The following FRMD3 variants were observed in gnomAD, a reference collection of about 807,000 sequenced individuals.
The protein encoded by FRMD3 is FERM domain-containing protein 3.
In FRMD3, 33 loss-of-function variants were observed where a neutral mutation model predicts 70.2. The ratio of observed to expected loss-of-function variants is 0.47; its 90% CI spans 0.36 to 0.63. FRMD3 has a LOEUF of 0.63. Ranked by LOEUF, FRMD3 falls within the 20% of genes least tolerant of loss-of-function variation. FRMD3 has a pLI of 0.00. For missense variants in FRMD3, 632 were observed against 711.4 expected (o/e 0.89, Z 1.27); for synonymous variants, 279 against 255.9 (o/e 1.09, Z -0.86).
the FRMD3 span, among the ~76,000 whole-genome samples, chr9:83,548,821 C>T: frequency 9.9e-5 from 15 of 152,210 alleles, no homozygotes; most frequent in East Asian, 3.9e-4. Context: ...ACTGAGGAAA[C>T]GGGTAGGCTA....
At chr9:83,478,462 A>G (rs1828451645) in intron 1 of FRMD3, among the ~76,000 whole-genome samples, 1 of 152,172 alleles carries the variant, frequency 6.6e-6, no homozygotes, top group East Asian at 1.9e-4. Context: ...ATACCACTTC[A>G]CCCCATTAGG....
intron 3 of FRMD3, among the ~76,000 whole-genome samples, chr9:83,350,461 A>G (rs1015390211): frequency 1.0e-5 from 1 of 97,658 alleles, no homozygotes; most frequent in Non-Finnish European, 2.1e-5. Context: ...CTAAAAATAC[A>G]AAAAAAAAAA....
At chr9:83,376,774 TGGTATCAAATATGTATA>T in intron 2 of FRMD3, among the ~76,000 whole-genome samples, 1 of 152,186 alleles carries the variant, frequency 6.6e-6, no homozygotes, top group African/African-American at 2.4e-5. Flanking sequence ...TATGTATATA[TGGTATCAAATATGTATA>T]TTTGATAAAA....
the FRMD3 span, among the ~76,000 whole-genome samples, chr9:83,554,579 G>T: frequency 6.6e-6 from 1 of 152,244 alleles, no homozygotes; most frequent in East Asian, 1.9e-4. Flanking sequence ...GGACCCATGG[G>T]AGACAGACTG....
chr9:83,344,998 G>A (rs1477289262), intron 4 of FRMD3, among the ~76,000 whole-genome samples: 1 of 152,122 alleles, frequency 6.6e-6, no homozygotes, highest in Admixed American at 6.5e-5. Context: ...GAATCAGAGA[G>A]AGTGATTAGT....
At chr9:83,516,913 T>C (rs1829466676) in intron 1 of FRMD3, among the ~76,000 whole-genome samples, 2 of 152,144 alleles carry the variant, frequency 1.3e-5, no homozygotes, top group African/African-American at 4.8e-5. Flanking sequence ...AAATAAGTTA[T>C]TTGAAACCAA....
intron 1 of FRMD3, among the ~76,000 whole-genome samples, chr9:83,500,182 T>C (rs994753996): frequency 6.6e-6 from 1 of 152,086 alleles, no homozygotes; most frequent in African/African-American, 2.4e-5. Context: ...ACATATTACA[T>C]TTGTCAAAAC....
intron 5 of FRMD3, among the ~76,000 whole-genome samples, chr9:83,342,865 C>A (rs1823819969): frequency 6.6e-6 from 1 of 152,162 alleles, no homozygotes. Flanking sequence ...ACATACAATA[C>A]CCACATCCCT....
intron 1 of FRMD3, among the ~76,000 whole-genome samples, chr9:83,407,446 ATCTCTGTATT>A (rs1826135021): frequency 6.6e-6 from 1 of 151,764 alleles, no homozygotes. Context: ...GGAATTTTTA[ATCTCTGTATT>A]TCCCCCAGCC....
intron 6 of FRMD3, among the ~76,000 whole-genome samples, chr9:83,320,127 T>C (rs946760277): frequency 5.9e-5 from 9 of 152,214 alleles, no homozygotes; most frequent in Admixed American, 5.2e-4. Flanking sequence ...CTTCCTTTTT[T>C]CCAACTTGGA....
At chr9:83,491,551 T>C (rs1828826152) in intron 1 of FRMD3, among the ~76,000 whole-genome samples, 1 of 152,110 alleles carries the variant, frequency 6.6e-6, no homozygotes, top group Admixed American at 6.5e-5. Flanking sequence ...GGGGTCAGCA[T>C]AGGGCACTTC....
At chr9:83,273,674 T>G (rs1387706855) in intron 13 of FRMD3, among the ~76,000 whole-genome samples, 1 of 142,500 alleles carries the variant, frequency 7.0e-6, no homozygotes, top group East Asian at 2.1e-4. Context: ...AAAGAATGCA[T>G]ACAGTTCCTC....
At chr9:83,500,541 A>C (rs1564106261) in intron 1 of FRMD3, among the ~76,000 whole-genome samples, 2 of 78,392 alleles carry the variant, frequency 2.6e-5, no homozygotes, top group East Asian at 3.6e-4. Context: ...CACACACACA[A>C]TGTCAATATT....
intron 1 of FRMD3, among the ~76,000 whole-genome samples, chr9:83,508,517 C>T (rs1002521470): frequency 6.6e-6 from 1 of 152,210 alleles, no homozygotes; most frequent in African/African-American, 2.4e-5. Context: ...CAAACTCCCA[C>T]AGAATTGGCC....
chr9:83,363,402 T>A (rs1824673441), intron 3 of FRMD3, among the ~76,000 whole-genome samples: 1 of 152,192 alleles, frequency 6.6e-6, no homozygotes, highest in African/African-American at 2.4e-5. Context: ...ACATAATTTA[T>A]CCTTGCAAAA....
intron 1 of FRMD3, among the ~76,000 whole-genome samples, chr9:83,483,192 G>T (rs1159030902): frequency 6.6e-6 from 1 of 152,188 alleles, no homozygotes; most frequent in African/African-American, 2.4e-5. Flanking sequence ...CACAAGATCT[G>T]GTTGTTTTTA....
chr9:83,318,435 C>G (rs1436484933), intron 6 of FRMD3, among the ~76,000 whole-genome samples: 1 of 151,844 alleles, frequency 6.6e-6, no homozygotes, highest in Non-Finnish European at 1.5e-5. Flanking sequence ...GATCTCATTC[C>G]TTTTATGGTT....
At chr9:83,328,725 C>G (rs985094162) in intron 6 of FRMD3, among the ~76,000 whole-genome samples, 2 of 152,164 alleles carry the variant, frequency 1.3e-5, no homozygotes, top group Non-Finnish European at 2.9e-5. Context: ...TAGGCCATCC[C>G]ACACTACTAC....
intron 1 of FRMD3, among the ~76,000 whole-genome samples, chr9:83,442,913 G>A (rs1005715036): frequency 2.0e-5 from 3 of 151,856 alleles, no homozygotes; most frequent in Non-Finnish European, 4.4e-5. Context: ...TCTGCAACAT[G>A]TCTTATGTTC....
Sources: allele counts gnomAD v4.1 joint callset (sites outside exome capture counted in the v4.1 genomes callset), GRCh38; gene constraint gnomAD v4.1.1; transcripts MANE v1.5; gene names NCBI Gene and HGNC (gene_info 2026-07-23, HGNC 2026-07-21).